The following EPRS1 variants were observed in gnomAD, a reference collection of about 807,000 sequenced individuals.
EPRS1 encodes the protein bifunctional glutamate/proline--tRNA ligase.
EPRS1 carries 107 observed loss-of-function variants against 188.3 expected under a neutral mutation model. That is an observed-to-expected ratio of 0.57 (90% CI 0.49 to 0.67). EPRS1 has a LOEUF of 0.67. EPRS1 is among the 30% of genes least tolerant of loss of function. The probability of loss-of-function intolerance (pLI) is 0.00; values close to 1 mark genes in which losing one functional copy is unlikely to be tolerated. For missense variants in EPRS1, 1,577 were observed against 1,802.2 expected (o/e 0.88, Z 2.26); for synonymous variants, 596 against 593.1 (o/e 1.00, Z -0.07).
rs143492936 is a variant in EPRS1 at position 219,995,493 on chromosome 1, A to G, written c.2541+1490T>C. On this transcript the variant is annotated intron_variant, in intron 18 of 31. Coordinates refer to ENST00000366923, the MANE Select transcript of EPRS1 (RefSeq NM_004446.3). ...ACAGATACAGTGCAAAATGCTCCCA[A>G]CCTCCCCATGAGGTAAGAAACATCT... Among the ~76,000 whole-genome samples, 741 of 152,190 alleles carry G rather than the reference A, an allele frequency of 4.9e-3. 7 individuals are homozygous for G. Among genetic ancestry groups the G allele is most frequent in the African/African-American group, 0.017 (694 of 41,510 alleles).
chr1:220,018,302 A>T, intron 12 of EPRS1, 147 bp downstream of exon 12: 1 of 915,154 alleles, frequency 1.1e-6, no homozygotes, highest in Non-Finnish European at 1.7e-6. Context: ...TATTTAAAAA[A>T]GGAAAACATT....
intron 30 of EPRS1, among the ~76,000 whole-genome samples, chr1:219,971,801 TAC>T (rs986090551): frequency 5.6e-5 from 8 of 144,072 alleles, no homozygotes; most frequent in African/African-American, 2.0e-4. Context: ...TATATACATA[TAC>T]ACACACACTA....
chr1:220,022,797 T>A (rs977289992), intron 8 of EPRS1, among the ~76,000 whole-genome samples: 1 of 152,204 alleles, frequency 6.6e-6, no homozygotes, highest in Non-Finnish European at 1.5e-5. Flanking sequence ...TAAGAAAAAG[T>A]ACAAGGCCTG....
intron 28 of EPRS1, among the ~76,000 whole-genome samples, chr1:219,974,190 G>C (rs994399766): frequency 6.6e-6 from 1 of 152,046 alleles, no homozygotes; most frequent in South Asian, 2.1e-4. Context: ...CTGATCTGCC[G>C]GCCTCAGCCT....
chr1:220,011,887 T>C (rs1193578701), intron 12 of EPRS1, among the ~76,000 whole-genome samples: 1 of 152,192 alleles, frequency 6.6e-6, no homozygotes, highest in Non-Finnish European at 1.5e-5. Flanking sequence ...AAAATGTAGA[T>C]GAAAGCAGAG....
At chr1:219,998,583 G>A (rs1271209534) in intron 17 of EPRS1, among the ~76,000 whole-genome samples, 2 of 141,420 alleles carry the variant, frequency 1.4e-5, no homozygotes, top group East Asian at 2.1e-4. Context: ...TTGCTCTGCC[G>A]CCAGGCTGGA....
At chr1:219,990,257 C>G (rs1023003839) in intron 18 of EPRS1, among the ~76,000 whole-genome samples, 2 of 152,020 alleles carry the variant, frequency 1.3e-5, no homozygotes, top group African/African-American at 4.8e-5. Flanking sequence ...ATTTCCCCTC[C>G]CATTAGGAAA....
chr1:219,983,464 G>A, intron 21 of EPRS1, 66 bp from the exon 22 acceptor site: 1 of 1,135,142 alleles, frequency 8.8e-7, no homozygotes, highest in Non-Finnish European at 1.3e-6. Context: ...AGTGGCAAGA[G>A]TATGATAACC....
In EPRS1 at chr1:219,988,751, ACTC is replaced by A. The variant is rs1661062277; in HGVS notation, c.2611_2613del (p.Glu871del). ...GATAATGGGGGCTGACCAGGTATGT[ACTC>A]CTTCCCAGTTTTTTCTTTATACTGA... is the stretch of plus-strand genomic sequence containing the variant. On this transcript the variant is annotated inframe_deletion, in exon 19 of 32. Transcript: ENST00000366923. 6.2e-7 allele frequency: 1 copy of A among 1,613,454 alleles called. No individual in the cohort carries two copies. The highest frequency in any genetic ancestry group is 1.3e-5 in the African/African-American group (1 of 74,796).
intron 13 of EPRS1, among the ~76,000 whole-genome samples, chr1:220,010,534 T>A (rs2789807): frequency 1.1e-4 from 16 of 152,060 alleles, no homozygotes; most frequent in African/African-American, 2.7e-4. Flanking sequence ...CATCTCAGCC[T>A]GGCGCAGTGG....
chr1:219,970,345 T>C (rs12726890), intron 30 of EPRS1, among the ~76,000 whole-genome samples: 69,831 of 151,970 alleles, frequency 0.46, 16,142 homozygotes, highest in South Asian at 0.52. Context: ...CCAAGAGACA[T>C]TGGCAGTAAC....
In EPRS1 at chr1:220,025,165, T is replaced by C; in HGVS notation, c.717A>G (p.Thr239=). The change falls in exon 7 of 32, where the codon ACA becomes ACG. Residue 239 remains threonine (T), a synonymous_variant. Transcript: ENST00000366923. ...AATCTTCCTTTTCTTTTTCAGGATT[T>C]GTGTCATCAAATCTCATGATCAGTT... The part of the protein sequence containing the change: ...KGKLIMRFDD[T]NPEKEKEDFE... The C allele has an allele frequency of 6.2e-7, 1 of 1,613,506 alleles. No homozygotes were observed. Among genetic ancestry groups the C allele is most frequent in the Non-Finnish European group, 8.5e-7 (1 of 1,179,552 alleles).
rs748277854 is a variant in EPRS1, at chr1:219,981,368, G to A, written c.3453+10C>T. The A allele has an allele frequency of 3.5e-5, 55 of 1,566,050 alleles. No individual in the cohort carries two copies. Among genetic ancestry groups the A allele is most frequent in the Non-Finnish European group, 4.7e-5 (54 of 1,146,900 alleles). ...ATAATAATAGAATACAAGAGGGGGT[G>A]AATACCTACCACCACATTGCACCAC... On this transcript the variant is annotated intron_variant, in intron 24 of 31. Coordinates refer to ENST00000366923, the MANE Select transcript of EPRS1 (RefSeq NM_004446.3).
At position 219,988,732 on chromosome 1, in the gene EPRS1, G is replaced by A; in HGVS notation, c.2633C>T (p.Pro878Leu). The part of the protein sequence containing the change: ...TGKEYIPGQP[P>L]LSQSSDSSPT... ...GCTTGAATCCGAACTTTGAGATAATGGGGGCTGACCAGGTATGTACTCCTT... is the reference window on the plus strand; with the variant it reads ...GCTTGAATCCGAACTTTGAGATAATAGGGGCTGACCAGGTATGTACTCCTT... Residue 878 changes from proline (P) to leucine (L), a missense_variant, in exon 19 of 32, where the codon CCA (proline) becomes CTA (leucine). Pro to Leu is a moderately conservative substitution (Grantham distance 98, BLOSUM62 -3). Around this residue, in one of 3 missense-constraint regions of EPRS1, gnomAD observed 1,278 missense variants for 1,457.4 expected, o/e 0.88. Transcript: ENST00000366923. The A allele has an allele frequency of 1.9e-6, 3 of 1,613,712 alleles. No individual in the cohort carries two copies. Among genetic ancestry groups the A allele is most frequent in the Non-Finnish European group, 2.5e-6 (3 of 1,179,716 alleles).
At position 220,040,211 on chromosome 1, in the gene EPRS1, C is replaced by T. The variant is rs1261458997; in HGVS notation, c.105G>A (p.Gly35=). The T allele has an allele frequency of 6.2e-7, 1 of 1,605,506 alleles. No homozygotes were observed. The highest frequency in any genetic ancestry group is 1.3e-5 in the African/African-American group (1 of 74,790). Residue 35 remains glycine (G), a synonymous_variant, in exon 2 of 32, where the codon GGG becomes GGA. Coordinates refer to ENST00000366923, the MANE Select transcript of EPRS1 (RefSeq NM_004446.3). The part of the protein sequence containing the change: ...KDDVSISVEE[G]KENILHVSEN... ...CAGAAACATGAAGAATATTCTCTTT[C>T]CCTTCTTCAACGGAAATGCTGACAT...
chr1:220,006,087 G>A lies in EPRS1; in HGVS notation c.1950+19C>T, dbSNP rs142428027. On this transcript the variant is annotated intron_variant, in intron 15 of 31. Transcript: ENST00000366923. ...AAGGAAAATTTAAAAGGTGAAATAT[G>A]GTTTCTTTGGAAGGTTACCTTACTG... 233 of 1,418,132 alleles carry A rather than the reference G, an allele frequency of 1.6e-4. No homozygotes were observed. In the East Asian group the frequency reaches 5.6e-3, roughly 34 times the overall value. 87.8% of individuals were successfully genotyped at this position (1,418,132 alleles called of 1,614,324 possible).
chr1:219,989,169 A>T (rs1343423392), intron 18 of EPRS1, among the ~76,000 whole-genome samples: 1 of 152,182 alleles, frequency 6.6e-6, no homozygotes, highest in Non-Finnish European at 1.5e-5. Flanking sequence ...AGATCAGATC[A>T]ATGGCTTTGC....
chr1:220,043,965 T>C (rs1662350204), intron 1 of EPRS1, among the ~76,000 whole-genome samples: 2 of 152,104 alleles, frequency 1.3e-5, no homozygotes, highest in Non-Finnish European at 2.9e-5. Context: ...GATGGAAGCA[T>C]TGTATCCAAG....
intron 1 of EPRS1, among the ~76,000 whole-genome samples, chr1:220,040,663 C>T (rs1662274116): frequency 6.6e-6 from 1 of 151,974 alleles, no homozygotes; most frequent in Non-Finnish European, 1.5e-5. Context: ...CCAGCCTGAC[C>T]GACATGGAGA....
Sources: gnomAD v4.1 joint callset for allele counts (sites outside exome capture counted in the v4.1 genomes callset) on GRCh38, gnomAD v4.1.1 for gene constraint, gnomAD v4.1.1 regional missense constraint, MANE v1.5 for transcripts, NCBI Gene and HGNC (gene_info 2026-07-23, HGNC 2026-07-21) for gene names.